Variants in FAM83D observed in about 807,000 individuals in gnomAD.
FAM83D encodes scaffolding CK1 anchoring protein D.
FAM83D carries 26 observed loss-of-function variants against 25.4 expected under a neutral mutation model. The ratio of observed to expected loss-of-function variants is 1.02; its 90% CI spans 0.75 to 1.42. The LOEUF is 1.42. Ranked by LOEUF, FAM83D falls within the 40% of genes most tolerant of loss-of-function variation. The pLI, the probability that FAM83D is intolerant of heterozygous loss-of-function variation, is 0.00. For synonymous variants in FAM83D, 310 were observed against 318.5 expected, an observed-to-expected ratio of 0.97 and a Z score of 0.28; for missense variants, 740 against 758.1, an observed-to-expected ratio of 0.98 and a Z score of 0.28.
intron 1 of FAM83D, among the ~76,000 whole-genome samples, chr20:38,927,498 C>CTTTTTTTTTTTTTTTTT (rs1173092369): frequency 3.9e-5 from 4 of 101,416 alleles, no homozygotes; most frequent in Non-Finnish European, 3.9e-5. Flanking sequence ...TCTTTCTTGT[C>CTTTTTTTTTTTTTTTTT]TTTTTTTTTT....
chr20:38,952,316 G>C lies in FAM83D; in HGVS notation c.1554G>C (p.Leu518=). The change falls in exon 4 of 4, where the codon CTG becomes CTC. Residue 518 remains leucine, a synonymous_variant. Coordinates refer to ENST00000619850, the MANE Select transcript of FAM83D (RefSeq NM_030919.3). ...PKYLGTPHLE[L]YLSDSLRNLN... Reference sequence around the variant, plus strand: ...ACCTGGGCACCCCCCACCTGGAACTGTACTTGAGTGACTCACTTAGAAACT... The same window carrying C: ...ACCTGGGCACCCCCCACCTGGAACTCTACTTGAGTGACTCACTTAGAAACT... 1 of 1,614,152 alleles carries C rather than the reference G, an allele frequency of 6.2e-7. No homozygotes were observed. Among genetic ancestry groups the C allele is most frequent in the East Asian group, 2.2e-5 (1 of 44,886 alleles).
rs2085761336 is a variant in FAM83D at position 38,952,531 on chromosome 20, TTCAGACTCCTGG to T, written c.*13_*24del. 7 of 1,603,634 alleles carry T rather than the reference TTCAGACTCCTGG, an allele frequency of 4.4e-6. No individual in the cohort carries two copies. The highest frequency in any genetic ancestry group is 6.0e-6 in the Non-Finnish European group (7 of 1,173,304). Reference sequence around the variant, plus strand: ...CCTTCCTATCAGTAACTGCTCCGTGTTCAGACTCCTGGTTTCTTCCAGGCTTACAGTGGACAT... The same window carrying T: ...CCTTCCTATCAGTAACTGCTCCGTGTTTTCTTCCAGGCTTACAGTGGACAT... On this transcript the variant is annotated 3_prime_UTR_variant, in exon 4 of 4. Transcript: ENST00000619850.
intron 1 of FAM83D, among the ~76,000 whole-genome samples, chr20:38,934,740 G>GTGAA (rs546775816): frequency 4.9e-4 from 75 of 152,280 alleles, no homozygotes; most frequent in African/African-American, 1.8e-3. Flanking sequence ...GTTCATCATT[G>GTGAA]TGAATGAACC....
intron 2 of FAM83D, among the ~76,000 whole-genome samples, chr20:38,946,421 C>T (rs935077139): frequency 6.6e-6 from 1 of 152,068 alleles, no homozygotes; most frequent in Non-Finnish European, 1.5e-5. Flanking sequence ...CACCCAGTTT[C>T]CCCAAATGTT....
At position 38,951,730 on chromosome 20, in the gene FAM83D, A is replaced by C; in HGVS notation, c.968A>C (p.Glu323Ala). ...HLTNRKPQSK[E>A]LTLGNLLRMR... ...ACCAACCGAAAACCACAGTCCAAGGAGCTCACCCTGGGCAACCTGCTGCGG... is the reference window on the plus strand; with the variant it reads ...ACCAACCGAAAACCACAGTCCAAGGCGCTCACCCTGGGCAACCTGCTGCGG... Residue 323 changes from glutamate (E) to alanine (A), a missense_variant, in exon 4 of 4, where the codon GAG (glutamate) becomes GCG (alanine). This residue lies in a region of FAM83D where 375 missense variants were observed against 403.2 expected (regional missense o/e 0.93). Transcript: ENST00000619850. 1 of 1,614,178 alleles carries C rather than the reference A, an allele frequency of 6.2e-7. No homozygotes were observed. Among genetic ancestry groups the C allele is most frequent in the Non-Finnish European group, 8.5e-7 (1 of 1,180,030 alleles).
chr20:38,939,072 T>C (rs191450958), intron 1 of FAM83D, among the ~76,000 whole-genome samples: 10 of 152,332 alleles, frequency 6.6e-5, no homozygotes, highest in Admixed American at 3.3e-4. Context: ...TTTCCAGTCA[T>C]GTCCCGTGGC....
intron 1 of FAM83D, among the ~76,000 whole-genome samples, chr20:38,928,305 A>G (rs1349999480): frequency 6.6e-6 from 1 of 152,132 alleles, no homozygotes; most frequent in Non-Finnish European, 1.5e-5. Flanking sequence ...ACTCTCACCA[A>G]TGTTCTTAAT....
intron 3 of FAM83D, among the ~76,000 whole-genome samples, chr20:38,950,833 G>A (rs2085750192): frequency 6.6e-6 from 1 of 150,776 alleles, no homozygotes; most frequent in Non-Finnish European, 1.5e-5. Context: ...TTGAGATGGA[G>A]TCTCGCCCAG....
intron 1 of FAM83D, among the ~76,000 whole-genome samples, chr20:38,927,662 CT>C (rs1236247667): frequency 6.6e-6 from 1 of 152,076 alleles, no homozygotes; most frequent in Non-Finnish European, 1.5e-5. Context: ...CCACGCCCGG[CT>C]AATTTTTGTA....
chr20:38,952,716 A>G lies in FAM83D; in HGVS notation c.*196A>G. 1 of 657,608 alleles carries G rather than the reference A, an allele frequency of 1.5e-6. No individual in the cohort carries two copies. Among genetic ancestry groups the G allele is most frequent in the Non-Finnish European group, 2.5e-6 (1 of 393,182 alleles). 40.7% of individuals were successfully genotyped at this position (657,608 alleles called of 1,614,324 possible). On this transcript the variant is annotated 3_prime_UTR_variant, in exon 4 of 4. Transcript: ENST00000619850. ...CATGTATATACCAGGTATTGGTTTT[A>G]TGGTTTAAACACTATGGATACAGGG...
At chr20:38,936,138 A>G (rs1255107620) in intron 1 of FAM83D, among the ~76,000 whole-genome samples, 1 of 151,848 alleles carries the variant, frequency 6.6e-6, no homozygotes, top group Non-Finnish European at 1.5e-5. Context: ...TCACTTTATG[A>G]CTCTGGGAGG....
chr20:38,944,725 G>A (rs2085719306), intron 2 of FAM83D, among the ~76,000 whole-genome samples: 1 of 152,126 alleles, frequency 6.6e-6, no homozygotes, highest in Non-Finnish European at 1.5e-5. Flanking sequence ...GGATCACGAG[G>A]TCAGGAGATC....
intron 2 of FAM83D, among the ~76,000 whole-genome samples, chr20:38,943,847 C>T (rs771426722): frequency 9.2e-5 from 14 of 152,158 alleles, no homozygotes; most frequent in Non-Finnish European, 1.8e-4. Flanking sequence ...CCCACCACCA[C>T]ACCCGACTAA....
chr20:38,946,963 T>G (rs1403926004), intron 2 of FAM83D, among the ~76,000 whole-genome samples: 2 of 152,244 alleles, frequency 1.3e-5, no homozygotes, highest in East Asian at 3.8e-4. Context: ...CTCTCTCTTA[T>G]TCTAGTCCTT....
At chr20:38,928,668 C>A (rs2085646534) in intron 1 of FAM83D, among the ~76,000 whole-genome samples, 1 of 152,098 alleles carries the variant, frequency 6.6e-6, no homozygotes, top group Non-Finnish European at 1.5e-5. Flanking sequence ...GGCACTGGAA[C>A]TAGAGGCCAG....
intron 1 of FAM83D, among the ~76,000 whole-genome samples, chr20:38,927,798 C>A (rs2085642920): frequency 6.6e-6 from 1 of 151,514 alleles, no homozygotes; most frequent in East Asian, 2.0e-4. Flanking sequence ...CGCACCCGGC[C>A]CCCTGCCGCT....
In FAM83D at chr20:38,926,724, C is replaced by G; in HGVS notation, c.282C>G (p.His94Gln). Residue 94 changes from histidine (H) to glutamine (Q), a missense_variant, in exon 1 of 4, where the codon CAC (histidine) becomes CAG (glutamine). Coordinates refer to ENST00000619850, the MANE Select transcript of FAM83D (RefSeq NM_030919.3). ...CCGAGGACTCGTTCGGCTCCTCGCA[C>G]GACTGCTCTTCGGGCACCTACTTCC... The part of the protein sequence containing the change: ...AAAEDSFGSS[H>Q]DCSSGTYFPE... The G allele has an allele frequency of 6.6e-7, 1 of 1,525,810 alleles. No individual in the cohort carries two copies. Among genetic ancestry groups the G allele is most frequent in the Non-Finnish European group, 8.7e-7 (1 of 1,143,244 alleles). The allele number at this position is 1,525,810 out of a possible 1,614,324, so 94.5% of individuals were successfully genotyped here. A position where few individuals can be genotyped will look rare whatever the true frequency, so the allele number is the denominator to read the frequency against.
At chr20:38,931,077 C>G (rs903532758) in intron 1 of FAM83D, among the ~76,000 whole-genome samples, 5 of 152,226 alleles carry the variant, frequency 3.3e-5, no homozygotes, top group African/African-American at 1.2e-4. Flanking sequence ...GCCACTGAAG[C>G]CCACACTCCT....
intron 1 of FAM83D, among the ~76,000 whole-genome samples, chr20:38,936,111 A>G (rs1356010384): frequency 1.3e-5 from 2 of 151,938 alleles, no homozygotes; most frequent in African/African-American, 2.4e-5. Flanking sequence ...AATTCCAAGC[A>G]TGTTGCACAC....
Sources: allele counts gnomAD v4.1 joint callset (sites outside exome capture counted in the v4.1 genomes callset), GRCh38; gene constraint gnomAD v4.1.1; regional missense constraint gnomAD v4.1.1; transcripts MANE v1.5; gene names NCBI Gene and HGNC (gene_info 2026-07-23, HGNC 2026-07-21).